The following NNT variants were observed in gnomAD, a reference collection of about 807,000 sequenced individuals.
The protein encoded by NNT is nicotinamide nucleotide transhydrogenase, also known as NAD(P) transhydrogenase, mitochondrial.
NNT carries 50 observed loss-of-function variants against 104.8 expected under a neutral mutation model. The observed-to-expected ratio is 0.48, with a 90% CI of 0.38 to 0.60. NNT has a LOEUF of 0.60. Ranked by LOEUF, NNT falls within the 20% of genes least tolerant of loss-of-function variation. NNT has a pLI of 0.00. For missense variants in NNT, 1,131 were observed against 1,330.7 expected, an observed-to-expected ratio of 0.85 and a Z score of 2.33; for synonymous variants, 461 against 490.4, an observed-to-expected ratio of 0.94 and a Z score of 0.79.
At chr5:43,606,305 A>G (rs1424799114) in intron 1 of NNT, among the ~76,000 whole-genome samples, 1 of 152,176 alleles carries the variant, frequency 6.6e-6, no homozygotes, top group Non-Finnish European at 1.5e-5. Flanking sequence ...GTGGGGAAAA[A>G]AAATCTCACT....
chr5:43,622,014 T>C lies in NNT; in HGVS notation c.688-2018T>C, dbSNP rs1287527234. Among the ~76,000 whole-genome samples the C allele has an allele frequency of 2.0e-5, 3 of 152,162 alleles. No homozygotes were observed. The East Asian group carries it at 5.8e-4, about 29-fold the overall frequency. On this transcript the variant is annotated intron_variant, in intron 5 of 21. Transcript: ENST00000344920. Reference sequence around the variant, plus strand: ...CTCTTCTAGGTCATGTTATAGACTTTGGATTCTCCTGCAGGTGAGGGAAAT... The same window carrying C: ...CTCTTCTAGGTCATGTTATAGACTTCGGATTCTCCTGCAGGTGAGGGAAAT...
chr5:43,611,984 G>A (rs1749520886), intron 2 of NNT, among the ~76,000 whole-genome samples: 1 of 152,120 alleles, frequency 6.6e-6, no homozygotes, highest in South Asian at 2.1e-4. Context: ...TTGCTATGTG[G>A]ATTCTTGGCA....
rs1039142173 is a variant in NNT at position 43,666,605 on chromosome 5, G to A, written c.2634+7255G>A. Among the ~76,000 whole-genome samples the A allele has an allele frequency of 2.6e-5, 4 of 151,732 alleles. 1 individual carries two copies. Among genetic ancestry groups the A allele is most frequent in the African/African-American group, 9.7e-5 (4 of 41,278 alleles). Reference sequence around the variant, plus strand: ...AGCAGAGAGGGAGGGGGAGGGGGAGGGAGAGAAGGAGAGGGAGAGGGAGAT... The same window carrying A: ...AGCAGAGAGGGAGGGGGAGGGGGAGAGAGAGAAGGAGAGGGAGAGGGAGAT... On this transcript the variant is annotated intron_variant, in intron 17 of 21. Transcript: ENST00000344920.
At chr5:43,661,856 TGCC>T (rs1417420422) in intron 17 of NNT, among the ~76,000 whole-genome samples, 1 of 152,164 alleles carries the variant, frequency 6.6e-6, no homozygotes, top group African/African-American at 2.4e-5. Context: ...TTGTGAATAG[TGCC>T]GCAATAAACA....
At chr5:43,687,100 G>C (rs1204919059) in intron 19 of NNT, among the ~76,000 whole-genome samples, 1 of 152,096 alleles carries the variant, frequency 6.6e-6, no homozygotes, top group Admixed American at 6.5e-5. Flanking sequence ...GCAGGAACTG[G>C]TAAATAAGAC....
intron 19 of NNT, among the ~76,000 whole-genome samples, chr5:43,698,570 C>T (rs1742682886): frequency 6.6e-6 from 1 of 151,920 alleles, no homozygotes; most frequent in Non-Finnish European, 1.5e-5. Context: ...ACATTTATTT[C>T]AATGTTTAAT....
chr5:43,700,428 C>T (rs557846578), intron 20 of NNT, among the ~76,000 whole-genome samples, 191 bp downstream of exon 20: 30 of 152,276 alleles, frequency 2.0e-4, no homozygotes, highest in Non-Finnish European at 5.9e-5. Context: ...GATTCGTAAA[C>T]AGCACAGGTA....
At chr5:43,637,367 T>C (rs73751789) in intron 7 of NNT, among the ~76,000 whole-genome samples, 4,866 of 152,242 alleles carry the variant, frequency 0.032, 219 homozygotes, top group African/African-American at 0.1. Flanking sequence ...TTTGTTATCA[T>C]TGGTAACATT....
rs1421529062 is a variant in NNT at position 43,643,511 on chromosome 5, C to T, written c.965-681C>T. On this transcript the variant is annotated intron_variant, in intron 7 of 21. Coordinates refer to ENST00000344920, the MANE Select transcript of NNT (RefSeq NM_182977.3). ...TTTTTTGTTTATTTACCACTGTATTCCCAGCACCAGGCATAGATAGGGCTT... is the reference window on the plus strand; with the variant it reads ...TTTTTTGTTTATTTACCACTGTATTTCCAGCACCAGGCATAGATAGGGCTT... Among the ~76,000 whole-genome samples the T allele has an allele frequency of 2.0e-5, 3 of 152,176 alleles. No individual in the cohort carries two copies. In the South Asian group the frequency reaches 6.2e-4, roughly 32 times the overall value.
In NNT at chr5:43,609,296, GA is replaced by G; in HGVS notation, c.103del (p.Thr35HisfsTer14). The G allele has an allele frequency of 6.2e-7, 1 of 1,613,938 alleles. No homozygotes were observed. The highest frequency in any genetic ancestry group is 8.5e-7 in the Non-Finnish European group (1 of 1,179,928). On this transcript the variant is annotated frameshift_variant, in exon 2 of 22. Transcript: ENST00000344920. LOFTEE classifies it high-confidence loss of function. ...CTACGTGTGAAGAAGGATTTTTTACGAACATTTTATACTCACCAAGAACTGT... is the reference window on the plus strand; with the variant it reads ...CTACGTGTGAAGAAGGATTTTTTACGACATTTTATACTCACCAAGAACTGT... ...KGLRVKKDFL[R>X]TFYTHQELWC...
At chr5:43,658,945 T>G (rs146789520) in intron 16 of NNT, among the ~76,000 whole-genome samples, 41 of 152,298 alleles carry the variant, frequency 2.7e-4, no homozygotes, top group African/African-American at 9.4e-4. Flanking sequence ...AAAAGTGTTT[T>G]TTTAAAATGT....
chr5:43,662,891 C>T (rs1486320323), intron 17 of NNT, among the ~76,000 whole-genome samples: 3 of 134,886 alleles, frequency 2.2e-5, no homozygotes, highest in African/African-American at 8.5e-5. Context: ...GAGACCCTGT[C>T]TCAAAAAAAA....
At chr5:43,609,960 G>T (rs1749418677) in intron 2 of NNT, among the ~76,000 whole-genome samples, 1 of 152,032 alleles carries the variant, frequency 6.6e-6, no homozygotes, top group Non-Finnish European at 1.5e-5. Flanking sequence ...TTTTACCTCT[G>T]CCCCCTACAG....
chr5:43,607,050 C>T (rs1749261859), intron 1 of NNT, among the ~76,000 whole-genome samples: 1 of 151,438 alleles, frequency 6.6e-6, no homozygotes, highest in South Asian at 2.1e-4. Context: ...GGCTGGCAGG[C>T]TGGAGTGTAG....
chr5:43,608,161 C>A (rs868820081), intron 1 of NNT, among the ~76,000 whole-genome samples: 2 of 151,992 alleles, frequency 1.3e-5, no homozygotes, highest in Non-Finnish European at 2.9e-5. Context: ...GAACTCCTGA[C>A]CTCGTGATCT....
intron 17 of NNT, among the ~76,000 whole-genome samples, chr5:43,665,407 G>A (rs1045672067): frequency 6.6e-6 from 1 of 151,840 alleles, no homozygotes; most frequent in African/African-American, 2.4e-5. Context: ...GTGTCCCTGG[G>A]TACTTGAGAT....
At chr5:43,696,857 A>G (rs1461622226) in intron 19 of NNT, among the ~76,000 whole-genome samples, 1 of 152,086 alleles carries the variant, frequency 6.6e-6, no homozygotes, top group Non-Finnish European at 1.5e-5. Context: ...ACAGGGCACC[A>G]AGTCCCTACA....
Position 43,612,921 on chromosome 5 carries a change from G to A in NNT, c.165G>A (p.Lys55=), listed in dbSNP as rs112098395. 7 of 1,611,060 alleles carry A rather than the reference G, an allele frequency of 4.3e-6. No homozygotes were observed. In the African/African-American group the frequency reaches 6.7e-5, roughly 15 times the overall value. Residue 55 remains lysine, a synonymous_variant, in exon 3 of 22, where the codon AAG becomes AAA. Transcript: ENST00000344920. ...GCTTGTTTCTAGGAATTCCATATAA[G>A]CAACTGACTGTTGGAGTCCCCAAAG... is the stretch of plus-strand genomic sequence containing the variant. The part of the protein sequence containing the change: ...KAPVKPGIPY[K]QLTVGVPKEI...
intron 19 of NNT, among the ~76,000 whole-genome samples, chr5:43,682,666 G>A (rs930963865): frequency 1.3e-5 from 2 of 152,190 alleles, no homozygotes; most frequent in Non-Finnish European, 2.9e-5. Flanking sequence ...AACTAGGCCA[G>A]TTAAAATTAT....
Sources: gnomAD v4.1 joint callset for allele counts (sites outside exome capture counted in the v4.1 genomes callset) on GRCh38, gnomAD v4.1.1 for gene constraint, MANE v1.5 for transcripts, NCBI Gene and HGNC (gene_info 2026-07-23, HGNC 2026-07-21) for gene names.